The following TAF5L variants were observed in gnomAD, a reference collection of about 807,000 sequenced individuals.
The protein encoded by TAF5L is TAF5-like RNA polymerase II p300/CBP-associated factor-associated factor 65 kDa subunit 5L.
A neutral mutation model predicts 51.3 loss-of-function variants in TAF5L; 7 were observed. That is an observed-to-expected ratio of 0.14 (90% CI 0.08 to 0.26). TAF5L has a LOEUF of 0.26. Ranked by LOEUF, TAF5L falls within the 10% of genes least tolerant of loss-of-function variation. The probability of loss-of-function intolerance (pLI) is 1.00; values close to 1 mark genes in which losing one functional copy is unlikely to be tolerated. For synonymous variants in TAF5L, 291 were observed against 308.1 expected (o/e 0.94, Z 0.58); for missense variants, 575 against 758.9 (o/e 0.76, Z 2.85).
chr1:229,594,310 T>C lies in TAF5L; in HGVS notation c.1757A>G (p.Asn586Ser). The C allele has an allele frequency of 6.2e-7, 1 of 1,605,340 alleles. No homozygotes were observed. ...AAAGTTAAAAAATTAATGTTCCTGA[T>C]TTTCTTGTGTAATTCCAGTCACCAG... Residue 586 changes from asparagine (N) to serine (S), a missense_variant, in exon 5 of 5, where the codon AAT becomes AGT. Transcript: ENST00000258281. The surrounding 1 kb of genome is among the most constrained non-coding windows in gnomAD (Gnocchi z 7.9).
intron 4 of TAF5L, among the ~76,000 whole-genome samples, chr1:229,596,872 C>CT (rs961067212): frequency 5.9e-5 from 9 of 151,954 alleles, no homozygotes; most frequent in Admixed American, 3.9e-4. Flanking sequence ...AAAAGGGCAC[C>CT]TTTTTTTTCT....
In TAF5L at chr1:229,602,923, T is replaced by C. The variant is rs771115838; in HGVS notation, c.248-4A>G. 5 of 1,579,398 alleles carry C rather than the reference T, an allele frequency of 3.2e-6. No individual in the cohort carries two copies. Among genetic ancestry groups the C allele is most frequent in the Non-Finnish European group, 4.3e-6 (5 of 1,170,966 alleles). On this transcript the variant is annotated splice_polypyrimidine_tract_variant and splice_region_variant and intron_variant, in intron 3 of 4. Transcript: ENST00000258281. This position sits in a 1 kb window ranked among gnomAD's most constrained non-coding sequence, Gnocchi z 4.6. ...TGGCTATGCTGGGAATCAGAATCTA[T>C]AATGAAAGAAAAAGAAGGCTTTATA...
At chr1:229,595,713 T>C (rs1036444785) in intron 4 of TAF5L, among the ~76,000 whole-genome samples, 1 of 152,158 alleles carries the variant, frequency 6.6e-6, no homozygotes, top group Non-Finnish European at 1.5e-5. Flanking sequence ...TTGCCCAGGC[T>C]GGAGTGCAAT....
At chr1:229,610,006 C>T (rs1399075223) in intron 3 of TAF5L, 100 bp downstream of exon 3, 2 of 927,796 alleles carry the variant, frequency 2.2e-6, no homozygotes, top group East Asian at 2.5e-5. Flanking sequence ...CTTTTTACCG[C>T]TCCTTGTGGA....
intron 3 of TAF5L, chr1:229,607,422 A>G: frequency 1.0e-6 from 1 of 985,388 alleles, no homozygotes; most frequent in Non-Finnish European, 1.2e-6. Flanking sequence ...ACCCCCATTC[A>G]CAACAAAGCC....
At chr1:229,603,576 T>C (rs2102747093) in intron 3 of TAF5L, among the ~76,000 whole-genome samples, 1 of 152,378 alleles carries the variant, frequency 6.6e-6, no homozygotes, top group Non-Finnish European at 1.5e-5. Context: ...CATTAACAAT[T>C]GTCTCATCAG....
chr1:229,622,785 A>AT (rs1665263262), intron 1 of TAF5L, among the ~76,000 whole-genome samples: 1 of 151,756 alleles, frequency 6.6e-6, no homozygotes, highest in Admixed American at 6.6e-5. Flanking sequence ...TTAAAAAAAA[A>AT]ATTTTTTTTT....
At chr1:229,596,233 C>G (rs1664120026) in intron 4 of TAF5L, among the ~76,000 whole-genome samples, 1 of 152,142 alleles carries the variant, frequency 6.6e-6, no homozygotes, top group Non-Finnish European at 1.5e-5. Context: ...GTGATGGCAC[C>G]ACTGCACTCC....
intron 2 of TAF5L, among the ~76,000 whole-genome samples, chr1:229,610,896 GCTATGCT>G (rs895081571): frequency 2.0e-5 from 3 of 151,840 alleles, no homozygotes; most frequent in Non-Finnish European, 4.4e-5. Context: ...CCCTAAACAC[GCTATGCT>G]TTTTGAATCT....
chr1:229,613,788 G>A (rs1571848457), intron 2 of TAF5L, among the ~76,000 whole-genome samples: 1 of 152,128 alleles, frequency 6.6e-6, no homozygotes, highest in African/African-American at 2.4e-5. Flanking sequence ...TATTAATCCA[G>A]ATGGAGTCAA....
At chr1:229,604,516 T>C (rs550362282) in intron 3 of TAF5L, among the ~76,000 whole-genome samples, 1 of 152,280 alleles carries the variant, frequency 6.6e-6, no homozygotes, top group East Asian at 1.9e-4. Context: ...TAATTGATCC[T>C]GCCCAAGAGG....
At chr1:229,595,083 A>T (rs1320127364) in exon 5 of TAF5L, 1 of 1,594,570 alleles carries the variant, frequency 6.3e-7, no homozygotes, top group South Asian at 1.1e-5. Flanking sequence ...CTGCATTATC[A>T]TCCTCATCAT....
exon 5 of TAF5L, chr1:229,593,567 G>C (rs942378308): frequency 1.3e-5 from 2 of 151,980 alleles, no homozygotes; most frequent in Non-Finnish European, 2.9e-5. Flanking sequence ...ATGTCAGCCA[G>C]GGTGATCAAT....
At chr1:229,610,974 TATGAG>T (rs770731211) in intron 2 of TAF5L, among the ~76,000 whole-genome samples, 3 of 152,204 alleles carry the variant, frequency 2.0e-5, no homozygotes, top group East Asian at 1.9e-4. Flanking sequence ...CTGCCCTTCT[TATGAG>T]ATATGTTTCT....
At chr1:229,603,797 T>C (rs998659900) in intron 3 of TAF5L, among the ~76,000 whole-genome samples, 1 of 152,212 alleles carries the variant, frequency 6.6e-6, no homozygotes, top group Non-Finnish European at 1.5e-5. Flanking sequence ...AATTGACACC[T>C]AAATAAGTGC....
intron 1 of TAF5L, among the ~76,000 whole-genome samples, chr1:229,623,053 G>A (rs1261669394): frequency 2.6e-5 from 4 of 152,182 alleles, no homozygotes; most frequent in Non-Finnish European, 5.9e-5. Flanking sequence ...GAGGTGGGTG[G>A]ATCACCCGAG....
chr1:229,608,378 T>C (rs1168910516), intron 3 of TAF5L, among the ~76,000 whole-genome samples: 1 of 152,202 alleles, frequency 6.6e-6, no homozygotes. Flanking sequence ...ATTAAGGCTT[T>C]AGTAAAATGA....
At chr1:229,606,094 A>C (rs1664587810) in intron 3 of TAF5L, 1 of 971,036 alleles carries the variant, frequency 1.0e-6, no homozygotes, top group Admixed American at 6.2e-5. Flanking sequence ...ATCAAGAAAT[A>C]GTGATGTACT....
chr1:229,607,476 G>A lies in TAF5L; in HGVS notation c.247+2630C>T, dbSNP rs549966217. The A allele has an allele frequency of 6.1e-6, 6 of 985,336 alleles. No individual in the cohort carries two copies. In the African/African-American group the frequency reaches 8.7e-5, roughly 14 times the overall value. 61.0% of individuals were successfully genotyped at this position (985,336 alleles called of 1,614,324 possible). ...TCGTCAAGCCTGCCTTTTTGCTCAT[G>A]TTATTTCTTACCCAAATTACTCCTC... On this transcript the variant is annotated intron_variant, in intron 3 of 4. Transcript: ENST00000258281.
Sources: allele counts gnomAD v4.1 joint callset (sites outside exome capture counted in the v4.1 genomes callset), GRCh38; gene constraint gnomAD v4.1.1; non-coding constraint Gnocchi (gnomAD v3.1); transcripts MANE v1.5; gene names NCBI Gene and HGNC (gene_info 2026-07-23, HGNC 2026-07-21).